Variants in CA2 observed in about 807,000 individuals in gnomAD.
CA2 encodes carbonate dehydratase II.
In CA2, 23 loss-of-function variants were observed where a neutral mutation model predicts 27.8. The ratio of observed to expected loss-of-function variants is 0.83; its 90% CI spans 0.59 to 1.17. The LOEUF is 1.17. Ranked by LOEUF, CA2 falls within the 50% of genes most tolerant of loss-of-function variation. The pLI, the probability that CA2 is intolerant of heterozygous loss-of-function variation, is 0.00. For synonymous variants in CA2, 99 were observed against 114.9 expected, an observed-to-expected ratio of 0.86 and a Z score of 0.88; for missense variants, 300 against 314.7, an observed-to-expected ratio of 0.95 and a Z score of 0.35.
rs546602693 is a variant in CA2 at position 85,468,754 on chromosome 8, A to G, written c.232+3285A>G. On this transcript the variant is annotated intron_variant, in intron 2 of 6. Coordinates refer to ENST00000285379, the MANE Select transcript of CA2 (RefSeq NM_000067.3). ...CAGCCTGGTGACAGAACGAGACTCCATCTCAAAACAAACAAACAAACAAAA... is the reference window on the plus strand; with the variant it reads ...CAGCCTGGTGACAGAACGAGACTCCGTCTCAAAACAAACAAACAAACAAAA... Among the ~76,000 whole-genome samples the G allele has an allele frequency of 2.0e-5, 3 of 151,776 alleles. No individual in the cohort carries two copies. In the East Asian group the frequency reaches 5.8e-4, roughly 29 times the overall value.
At chr8:85,467,193 A>G (rs1325399727) in intron 2 of CA2, among the ~76,000 whole-genome samples, 1 of 152,240 alleles carries the variant, frequency 6.6e-6, no homozygotes, top group Admixed American at 6.5e-5. Flanking sequence ...ATGGATAGTG[A>G]AATAAATTAT....
In CA2 at chr8:85,480,684, T is replaced by G. The variant is rs1811876508; in HGVS notation, c.678T>G (p.Arg226=). ...GTGTCTTTTAGGTGTTGAAATTCCG[T>G]AAACTTAACTTCAATGGGGAGGGTG... is the stretch of plus-strand genomic sequence containing the variant. ...SVSSEQVLKF[R]KLNFNGEGEP... is the part of the protein sequence containing the mutation. The change falls in exon 7 of 7, where the codon CGT becomes CGG. Residue 226 remains arginine (R), a synonymous_variant. Transcript: ENST00000285379. 6.2e-7 allele frequency: 1 copy of G among 1,613,476 alleles called. No homozygotes were observed. Among genetic ancestry groups the G allele is most frequent in the Non-Finnish European group, 8.5e-7 (1 of 1,179,562 alleles).
At chr8:85,477,082 A>G (rs560101004) in intron 5 of CA2, 38 bp from the exon 6 acceptor site, 8 of 1,610,808 alleles carry the variant, frequency 5.0e-6, no homozygotes, top group Admixed American at 3.3e-5. Context: ...TACTCTGTCA[A>G]TGTGATAGTT....
Position 85,473,731 on chromosome 8 carries a change from A to AT in CA2, c.273dup (p.Gln92SerfsTer10). ...ACCCCTGGATGGCACTTACAGATTGATTCAGTTTCACTTTCACTGGGGTTC... is the reference window on the plus strand; with the variant it reads ...ACCCCTGGATGGCACTTACAGATTGATTTCAGTTTCACTTTCACTGGGGTTC... On this transcript the variant is annotated frameshift_variant, in exon 3 of 7. Coordinates refer to ENST00000285379, the MANE Select transcript of CA2 (RefSeq NM_000067.3). LOFTEE classifies it high-confidence loss of function. 6.2e-7 allele frequency: 1 copy of AT among 1,612,094 alleles called. No homozygotes were observed. The highest frequency in any genetic ancestry group is 8.5e-7 in the Non-Finnish European group (1 of 1,178,192).
intron 1 of CA2, 152 bp downstream of exon 1, chr8:85,464,267 G>A (rs1194797755): frequency 9.9e-6 from 6 of 605,408 alleles, no homozygotes; most frequent in Non-Finnish European, 1.6e-5. Context: ...GTGCGCCCCG[G>A]GCGCTCGCTC....
intron 4 of CA2, among the ~76,000 whole-genome samples, chr8:85,475,544 G>A (rs1410376600): frequency 6.6e-6 from 1 of 152,090 alleles, no homozygotes; most frequent in Non-Finnish European, 1.5e-5. Flanking sequence ...GCAGTTAGAG[G>A]TCACTGGGGA....
At chr8:85,469,762 T>TA (rs1811687630) in intron 2 of CA2, among the ~76,000 whole-genome samples, 1 of 151,954 alleles carries the variant, frequency 6.6e-6, no homozygotes, top group African/African-American at 2.4e-5. Context: ...ATCCAAGTCT[T>TA]ACATCATTTC....
intron 5 of CA2, among the ~76,000 whole-genome samples, chr8:85,476,693 G>T (rs1811804265): frequency 6.6e-6 from 1 of 152,132 alleles, no homozygotes; most frequent in African/African-American, 2.4e-5. Context: ...GTCCAAAACA[G>T]AATGTAGTTA....
At chr8:85,480,562 C>A (rs966836803) in intron 6 of CA2, 108 bp from the exon 7 acceptor site, 2 of 1,087,192 alleles carry the variant, frequency 1.8e-6, no homozygotes, top group Admixed American at 1.9e-5. Context: ...GGATTACAGG[C>A]ATGAGCCACT....
chr8:85,468,115 C>T (rs1393873490), intron 2 of CA2, among the ~76,000 whole-genome samples: 1 of 152,130 alleles, frequency 6.6e-6, no homozygotes, highest in Admixed American at 6.6e-5. Flanking sequence ...ACTATGGAAA[C>T]GTGAAGGAGG....
At chr8:85,469,184 G>T (rs1811676614) in intron 2 of CA2, among the ~76,000 whole-genome samples, 1 of 152,110 alleles carries the variant, frequency 6.6e-6, no homozygotes, top group Admixed American at 6.5e-5. Context: ...TTTATTAGGA[G>T]TTATTTTTGT....
chr8:85,474,198 G>A, intron 3 of CA2, 126 bp from the exon 4 acceptor site: 1 of 793,296 alleles, frequency 1.3e-6, no homozygotes, highest in South Asian at 1.4e-5. Flanking sequence ...GGAAAATTTT[G>A]ATTTAAAATT....
chr8:85,471,233 G>T (rs1378619144), intron 2 of CA2, among the ~76,000 whole-genome samples: 1 of 152,116 alleles, frequency 6.6e-6, no homozygotes, highest in African/African-American at 2.4e-5. Flanking sequence ...TCTGTAGCAA[G>T]TAAACTTTAA....
rs1005533705 is a variant in CA2, at chr8:85,465,618, C to G, written c.232+149C>G. ...GCCACCCTGATCATTTTCATTAGGT[C>G]TCAGATTCTGAGAAGTAGGCTAATT... On this transcript the variant is annotated intron_variant, in intron 2 of 6. Coordinates refer to ENST00000285379, the MANE Select transcript of CA2 (RefSeq NM_000067.3). 5.5e-6 allele frequency: 4 copies of G among 722,260 alleles called. No homozygotes were observed. The South Asian group carries it at 6.3e-5, about 11-fold the overall frequency. 44.7% of individuals were successfully genotyped at this position (722,260 alleles called of 1,614,324 possible). A position where few individuals can be genotyped will look rare whatever the true frequency, so the allele number is the denominator to read the frequency against.
intron 6 of CA2, among the ~76,000 whole-genome samples, chr8:85,477,639 C>T (rs749546237): frequency 1.3e-5 from 2 of 151,718 alleles, no homozygotes; most frequent in Non-Finnish European, 2.9e-5. Flanking sequence ...TACCAGCCTA[C>T]TACTCACTCA....
intron 2 of CA2, among the ~76,000 whole-genome samples, chr8:85,470,068 C>G (rs1010257174): frequency 6.6e-6 from 1 of 152,178 alleles, no homozygotes; most frequent in African/African-American, 2.4e-5. Context: ...CCAACATATT[C>G]TAAACACTGT....
At chr8:85,466,168 C>G (rs564587271) in intron 2 of CA2, among the ~76,000 whole-genome samples, 3 of 148,818 alleles carry the variant, frequency 2.0e-5, no homozygotes, top group African/African-American at 5.0e-5. Context: ...GAAAAAAAAT[C>G]CTGCTTTTTT....
In CA2 at chr8:85,480,877, G is replaced by A; in HGVS notation, c.*88G>A. ...GATCTACCTTGGTGATTTGGACCCT[G>A]GTTGCTTTGTGTCTAGTTTTCTAGA... On this transcript the variant is annotated 3_prime_UTR_variant, in exon 7 of 7. Transcript: ENST00000285379. The A allele has an allele frequency of 6.9e-7, 1 of 1,457,334 alleles. No homozygotes were observed. Among genetic ancestry groups the A allele is most frequent in the Non-Finnish European group, 9.6e-7 (1 of 1,045,834 alleles). The allele number at this position is 1,457,334 out of a possible 1,614,324, so 90.3% of individuals were successfully genotyped here.
chr8:85,475,611 G>A (rs1811785673), intron 4 of CA2, among the ~76,000 whole-genome samples, 187 bp from the exon 5 acceptor site: 1 of 152,072 alleles, frequency 6.6e-6, no homozygotes, highest in South Asian at 2.1e-4. Context: ...GCGAGTTGAA[G>A]ATTCAGTGAA....
Sources: gnomAD v4.1 joint callset for allele counts (sites outside exome capture counted in the v4.1 genomes callset) on GRCh38, gnomAD v4.1.1 for gene constraint, MANE v1.5 for transcripts, NCBI Gene and HGNC (gene_info 2026-07-23, HGNC 2026-07-21) for gene names.